The following EFNA5 variants were observed in gnomAD, a reference collection of about 807,000 sequenced individuals.
The protein encoded by EFNA5 is ephrin-A5.
In EFNA5, 5 loss-of-function variants were observed where a neutral mutation model predicts 22.9. The observed-to-expected ratio is 0.22, with a 90% CI of 0.11 to 0.46. The LOEUF is 0.46. EFNA5 is among the 20% of genes least tolerant of loss of function. EFNA5 has a pLI of 0.99. For synonymous variants in EFNA5, 113 were observed against 112.2 expected (o/e 1.01, Z -0.04); for missense variants, 237 against 293.3 (o/e 0.81, Z 1.40).
intron 1 of EFNA5, among the ~76,000 whole-genome samples, chr5:107,638,419 G>C (rs1003968170): frequency 6.6e-6 from 1 of 152,138 alleles, no homozygotes; most frequent in African/African-American, 2.4e-5. Flanking sequence ...AAGTTCAAGA[G>C]ATCTATTATA....
At chr5:107,496,194 A>C (rs1746977631) in intron 1 of EFNA5, among the ~76,000 whole-genome samples, 1 of 150,800 alleles carries the variant, frequency 6.6e-6, no homozygotes, top group Non-Finnish European at 1.5e-5. Flanking sequence ...AAAATACATA[A>C]ATTAGCTGGG....
At position 107,406,034 on chromosome 5, in the gene EFNA5, CCTATATTTGTATACATATTCT is replaced by C. The variant is rs1339761411; in HGVS notation, c.419-18284_419-18264del. 2.4e-5 allele frequency among the ~76,000 whole-genome samples: 2 copies of C among 82,628 alleles called. 1 individual carries two copies. The highest frequency in any genetic ancestry group is 8.4e-5 in the African/African-American group (2 of 23,916). The allele number at this position is 82,628 out of a possible 152,430, so 54.2% of individuals were successfully genotyped here. On this transcript the variant is annotated intron_variant, in intron 2 of 4. Coordinates refer to ENST00000333274, the MANE Select transcript of EFNA5 (RefSeq NM_001962.3). Reference sequence around the variant, plus strand: ...TATATACATAGAATGTATAAAAATACCTATATTTGTATACATATTCTATGTATTTATATACATAGAATGTAT... The same window carrying C: ...TATATACATAGAATGTATAAAAATACATGTATTTATATACATAGAATGTAT...
chr5:107,646,712 G>GA (rs1750639344), intron 1 of EFNA5, among the ~76,000 whole-genome samples: 2 of 152,144 alleles, frequency 1.3e-5, no homozygotes, highest in South Asian at 4.1e-4. Flanking sequence ...AACTGCTTCT[G>GA]AAAAAAATAT....
At chr5:107,603,890 G>A (rs1749656919) in intron 1 of EFNA5, among the ~76,000 whole-genome samples, 1 of 152,166 alleles carries the variant, frequency 6.6e-6, no homozygotes, top group African/African-American at 2.4e-5. Context: ...ATAGAACAAA[G>A]TGAGTTAATC....
At chr5:107,597,021 G>A (rs1010646765) in intron 1 of EFNA5, among the ~76,000 whole-genome samples, 2 of 152,086 alleles carry the variant, frequency 1.3e-5, no homozygotes, top group African/African-American at 4.8e-5. Context: ...CCTTCTCTGA[G>A]CTTACTTCCT....
intron 2 of EFNA5, among the ~76,000 whole-genome samples, chr5:107,424,918 T>C (rs891288616): frequency 1.3e-5 from 2 of 152,086 alleles, no homozygotes; most frequent in South Asian, 2.1e-4. Context: ...TGGTTGAAAA[T>C]TCAATTTAAC....
At chr5:107,476,735 T>TCTCTCTC (rs1750321735) in intron 1 of EFNA5, among the ~76,000 whole-genome samples, 21 of 148,122 alleles carry the variant, frequency 1.4e-4, no homozygotes, top group East Asian at 6.0e-4. Flanking sequence ...TTTTTTCTCT[T>TCTCTCTC]TCTCTCTCTC....
chr5:107,578,754 C>T (rs1387048990), intron 1 of EFNA5, among the ~76,000 whole-genome samples: 1 of 151,990 alleles, frequency 6.6e-6, no homozygotes, highest in African/African-American at 2.4e-5. Context: ...ATTCTTTTTG[C>T]AGTAAAAAGG....
intron 1 of EFNA5, among the ~76,000 whole-genome samples, chr5:107,578,613 G>A (rs1748975628): frequency 6.6e-6 from 1 of 152,068 alleles, no homozygotes; most frequent in Admixed American, 6.5e-5. Context: ...GCCTACCTCA[G>A]ACTTATCAGG....
chr5:107,483,410 C>T (rs1220303981), intron 1 of EFNA5, among the ~76,000 whole-genome samples: 2 of 152,140 alleles, frequency 1.3e-5, no homozygotes, highest in African/African-American at 4.8e-5. Flanking sequence ...CGAATCCTAG[C>T]TATAAGTCAC....
At chr5:107,464,959 T>C (rs1368142125) in intron 1 of EFNA5, among the ~76,000 whole-genome samples, 1 of 152,130 alleles carries the variant, frequency 6.6e-6, no homozygotes, top group Admixed American at 6.5e-5. Flanking sequence ...GCAAAACTCC[T>C]TTTCTCTCTC....
Position 107,381,212 on chromosome 5 carries a change from A to G in EFNA5, c.*43T>C. 6.3e-7 allele frequency: 1 copy of G among 1,582,922 alleles called. No individual in the cohort carries two copies. The highest frequency in any genetic ancestry group is 8.6e-7 in the Non-Finnish European group (1 of 1,156,494). On this transcript the variant is annotated 3_prime_UTR_variant, in exon 5 of 5. Transcript: ENST00000333274. ...AGTTAGGTGGATCTCTGGTGTTCCA[A>G]GACCCTGATGTTTTCTGTGACAAGT...
intron 1 of EFNA5, among the ~76,000 whole-genome samples, chr5:107,470,435 T>A (rs775011595): frequency 2.6e-5 from 4 of 152,224 alleles, no homozygotes; most frequent in Admixed American, 6.5e-5. Flanking sequence ...ATCATATGCA[T>A]GGCAGCATTG....
chr5:107,484,353 A>T (rs1457988955), intron 1 of EFNA5, among the ~76,000 whole-genome samples: 1 of 152,212 alleles, frequency 6.6e-6, no homozygotes, highest in Admixed American at 6.5e-5. Context: ...AGAAGCAGCC[A>T]GTTTCCAGCA....
chr5:107,573,468 G>A (rs186753130), intron 1 of EFNA5, among the ~76,000 whole-genome samples: 47 of 151,832 alleles, frequency 3.1e-4, no homozygotes, highest in African/African-American at 1.1e-3. Flanking sequence ...GTAATTTTTA[G>A]GTTTTGTTTC....
intron 1 of EFNA5, among the ~76,000 whole-genome samples, chr5:107,476,735 TTCTCTCTC>T (rs34563371): frequency 6.1e-4 from 90 of 148,238 alleles, no homozygotes; most frequent in African/African-American, 2.0e-3. Context: ...TTTTTTCTCT[TTCTCTCTC>T]TCTCTCTCTC....
intron 1 of EFNA5, among the ~76,000 whole-genome samples, chr5:107,527,437 C>T (rs529287468): frequency 1.0e-3 from 157 of 152,176 alleles, no homozygotes; most frequent in African/African-American, 3.5e-3. Context: ...CAGGCATATG[C>T]CACCATGCCC....
intron 1 of EFNA5, among the ~76,000 whole-genome samples, chr5:107,454,719 A>G (rs1278961760): frequency 1.3e-5 from 2 of 152,192 alleles, no homozygotes; most frequent in Non-Finnish European, 2.9e-5. Context: ...TGTAAAATGT[A>G]TACTTTATTT....
intron 1 of EFNA5, among the ~76,000 whole-genome samples, chr5:107,635,716 G>C (rs1274498423): frequency 6.6e-6 from 1 of 152,180 alleles, no homozygotes; most frequent in African/African-American, 2.4e-5. Context: ...GCCTCACAGT[G>C]AGAGGGTTCA....
Sources: allele counts gnomAD v4.1 joint callset (sites outside exome capture counted in the v4.1 genomes callset), GRCh38; gene constraint gnomAD v4.1.1; transcripts MANE v1.5; gene names NCBI Gene and HGNC (gene_info 2026-07-23, HGNC 2026-07-21).